NELL1: variants seen among roughly 807,000 people sequenced by gnomAD.
The protein encoded by NELL1 is protein kinase C-binding protein NELL1.
In NELL1, 76 loss-of-function variants were observed where a neutral mutation model predicts 107.4. The ratio of observed to expected loss-of-function variants is 0.71; its 90% CI spans 0.59 to 0.86. The LOEUF is 0.86. Among genes scored for constraint, NELL1 ranks in the 40% least tolerant of loss-of-function variants. The pLI is 0.00. For synonymous variants in NELL1, 353 were observed against 341.2 expected (o/e 1.03, Z -0.38); for missense variants, 1,024 against 1,005.5 (o/e 1.02, Z -0.25).
At chr11:20,775,780 A>G (rs1434208921) in intron 2 of NELL1, among the ~76,000 whole-genome samples, 1 of 152,230 alleles carries the variant, frequency 6.6e-6, no homozygotes, top group East Asian at 1.9e-4. Context: ...TAGCAAAATT[A>G]TGGGGGTACC....
At chr11:20,777,037 C>T (rs998537019) in intron 2 of NELL1, among the ~76,000 whole-genome samples, 1 of 152,224 alleles carries the variant, frequency 6.6e-6, no homozygotes, top group African/African-American at 2.4e-5. Flanking sequence ...GTGCCAGGCA[C>T]TGGGTGTATC....
chr11:21,419,202 A>C (rs985858538), intron 15 of NELL1, among the ~76,000 whole-genome samples: 5 of 152,118 alleles, frequency 3.3e-5, no homozygotes, highest in African/African-American at 1.2e-4. Flanking sequence ...CCCAAAGCAT[A>C]AAACAGTGGC....
intron 4 of NELL1, among the ~76,000 whole-genome samples, chr11:20,856,204 C>T (rs1390625351): frequency 1.3e-5 from 2 of 152,182 alleles, no homozygotes; most frequent in Non-Finnish European, 2.9e-5. Flanking sequence ...GGTGACTTTT[C>T]TCTCCAGATT....
chr11:21,384,400 T>C (rs1851686071), intron 15 of NELL1, among the ~76,000 whole-genome samples: 1 of 151,950 alleles, frequency 6.6e-6, no homozygotes, highest in African/African-American at 2.4e-5. Flanking sequence ...TTTTATCCCC[T>C]TTTTCTGGCC....
At chr11:21,126,172 G>A (rs931258610) in intron 13 of NELL1, among the ~76,000 whole-genome samples, 1 of 152,096 alleles carries the variant, frequency 6.6e-6, no homozygotes, top group African/African-American at 2.4e-5. Context: ...TCAAAGATAG[G>A]ATAGGATAGC....
intron 12 of NELL1, among the ~76,000 whole-genome samples, chr11:20,967,999 C>T (rs560414468): frequency 6.6e-6 from 1 of 152,242 alleles, no homozygotes; most frequent in South Asian, 2.1e-4. Flanking sequence ...TTTCCTCAAC[C>T]TGGGAGGCCC....
At chr11:21,529,768 G>C (rs915648076) in intron 15 of NELL1, among the ~76,000 whole-genome samples, 1 of 151,990 alleles carries the variant, frequency 6.6e-6, no homozygotes, top group Non-Finnish European at 1.5e-5. Flanking sequence ...TCTGTCTTCT[G>C]TTTTATAGCA....
chr11:21,325,893 C>T (rs554524226), intron 14 of NELL1, among the ~76,000 whole-genome samples: 1 of 151,860 alleles, frequency 6.6e-6, no homozygotes, highest in South Asian at 2.1e-4. Context: ...ATATAAAACT[C>T]TTTTTGACAA....
At chr11:21,358,263 T>C (rs1850984365) in intron 14 of NELL1, among the ~76,000 whole-genome samples, 2 of 152,262 alleles carry the variant, frequency 1.3e-5, no homozygotes, top group South Asian at 4.1e-4. Flanking sequence ...ATATTGATTC[T>C]ACTCATCCAT....
At position 20,843,157 on chromosome 11, in the gene NELL1, G is replaced by A. The variant is rs547250827; in HGVS notation, c.336-4426G>A. On this transcript the variant is annotated intron_variant, in intron 3 of 19. Transcript: ENST00000357134. ...TTTTATAGAAAGTAGCTGGACACCT[G>A]CCTGGGTTTCTCTCTATCTGGAGAG... 1.6e-4 allele frequency among the ~76,000 whole-genome samples: 25 copies of A among 152,190 alleles called. 1 individual carries two copies. In the South Asian group the frequency reaches 5.0e-3, roughly 30 times the overall value.
chr11:20,807,306 A>T (rs973560503), intron 3 of NELL1, among the ~76,000 whole-genome samples: 2 of 152,242 alleles, frequency 1.3e-5, no homozygotes, highest in African/African-American at 4.8e-5. Flanking sequence ...TTGCAGACTC[A>T]TAGAGGTACC....
intron 12 of NELL1, among the ~76,000 whole-genome samples, chr11:20,967,729 C>A (rs546569174): frequency 6.6e-6 from 1 of 152,300 alleles, no homozygotes; most frequent in African/African-American, 2.4e-5. Flanking sequence ...TCCACTCTTG[C>A]CCACCATAGT....
At chr11:21,375,637 A>G (rs2133760294) in intron 15 of NELL1, among the ~76,000 whole-genome samples, 1 of 152,266 alleles carries the variant, frequency 6.6e-6, no homozygotes, top group Admixed American at 6.5e-5. Context: ...ACTGCTTTAC[A>G]CAGTAGCTAA....
chr11:20,694,284 T>C lies in NELL1; in HGVS notation c.184+16224T>C. Among the ~76,000 whole-genome samples, 2 of 152,108 alleles carry C rather than the reference T, an allele frequency of 1.3e-5. 1 individual carries two copies. The highest frequency in any genetic ancestry group is 6.3e-3 in the Middle Eastern group (2 of 316). ...TCATCTGAAGCCTAGGTCCTCCTTG[T>C]TAATTTTTGTTTTTCTTGTGATTGC... On this transcript the variant is annotated intron_variant, in intron 2 of 19. Transcript: ENST00000357134.
chr11:20,844,836 G>A (rs1054486382), intron 3 of NELL1, among the ~76,000 whole-genome samples: 8 of 152,214 alleles, frequency 5.3e-5, no homozygotes, highest in South Asian at 4.1e-4. Context: ...ATTTCCACAG[G>A]TGATGCTGCT....
chr11:21,530,234 T>G (rs1052750051), intron 15 of NELL1, among the ~76,000 whole-genome samples: 1 of 152,140 alleles, frequency 6.6e-6, no homozygotes, highest in South Asian at 2.1e-4. Flanking sequence ...ACTACTTCAG[T>G]GCAAGCTTTA....
At chr11:20,902,598 G>A (rs2134134184) in intron 5 of NELL1, among the ~76,000 whole-genome samples, 1 of 152,122 alleles carries the variant, frequency 6.6e-6, no homozygotes, top group Admixed American at 6.5e-5. Context: ...GGACATAGGA[G>A]CCCAACTCTT....
intron 2 of NELL1, among the ~76,000 whole-genome samples, chr11:20,741,540 A>C (rs898185800): frequency 2.0e-5 from 3 of 152,144 alleles, no homozygotes; most frequent in African/African-American, 7.2e-5. Flanking sequence ...GACATTTTAG[A>C]ATCTTCCCTG....
In NELL1 at chr11:20,946,225, A is replaced by G. The variant is rs373701698; in HGVS notation, c.1072-1111A>G. Among the ~76,000 whole-genome samples the G allele has an allele frequency of 7.2e-5, 11 of 152,252 alleles. No individual in the cohort carries two copies. The East Asian group carries it at 2.1e-3, about 29-fold the overall frequency. On this transcript the variant is annotated intron_variant, in intron 10 of 19. Transcript: ENST00000357134. ...TCTCTCCTGCACCCTTCTTGACTAT[A>G]CACCTTCATCCTATTCTTCCACCTG...
Sources: allele counts gnomAD v4.1 joint callset (sites outside exome capture counted in the v4.1 genomes callset), GRCh38; gene constraint gnomAD v4.1.1; transcripts MANE v1.5; gene names NCBI Gene and HGNC (gene_info 2026-07-23, HGNC 2026-07-21).